The following FRMPD4 variants were observed in gnomAD, a reference collection of about 807,000 sequenced individuals.
FRMPD4 encodes FERM and PDZ domain containing 4.
Under a neutral mutation model 94.1 loss-of-function variants are expected in FRMPD4, and 22 were observed. That is an observed-to-expected ratio of 0.23 (90% CI 0.17 to 0.33). The LOEUF is 0.33. Ranked by LOEUF, FRMPD4 falls within the 10% of genes least tolerant of loss-of-function variation. The pLI is 1.00. For synonymous variants in FRMPD4, 631 were observed against 548.6 expected, an observed-to-expected ratio of 1.15 and a Z score of -2.10; for missense variants, 1,111 against 1,339.9, an observed-to-expected ratio of 0.83 and a Z score of 2.67.
chrX:11,991,546 A>C (rs1291582681), intron 3 of FRMPD4, among the ~76,000 whole-genome samples: 1 of 111,778 alleles, frequency 8.9e-6, no homozygotes, highest in Non-Finnish European at 1.9e-5. Context: ...TTCCATCAAC[A>C]GGTAGGGATT....
Position 12,721,021 on chromosome X carries a change from G to A in FRMPD4, c.4452G>A (p.Arg1484=). 1.3e-6 allele frequency: 1 copy of A among 759,740 alleles called. No individual in the cohort carries two copies. The highest frequency in any genetic ancestry group is 2.3e-5 in the African/African-American group (1 of 43,982). The allele number at this position is 759,740 out of a possible 1,213,427, so 62.6% of individuals were successfully genotyped here. A position where few individuals can be genotyped will look rare whatever the true frequency, so the allele number is the denominator to read the frequency against. Residue 1484 remains arginine, a synonymous_variant, in exon 17 of 17, where the codon AGG becomes AGA. Coordinates refer to ENST00000675598, the MANE Select transcript of FRMPD4 (RefSeq NM_001368397.1). ...PVAHKDSKLY[R]TLPLRKLEGS... ...CTCATAAAGACTCAAAGCTGTATAG[G>A]ACATTACCCTTGCGGAAGCTGGAGG...
chrX:11,905,603 CAG>C (rs2053962849), intron 3 of FRMPD4, among the ~76,000 whole-genome samples: 5 of 111,280 alleles, frequency 4.5e-5, no homozygotes, highest in African/African-American at 1.6e-4. Flanking sequence ...TCAGTTAGCC[CAG>C]ATTTGGGCTC....
Position 12,140,956 on chromosome X carries a change from G to A in FRMPD4, c.41+1944G>A, listed in dbSNP as rs772427815. Among the ~76,000 whole-genome samples, 4 of 111,892 alleles carry A rather than the reference G, an allele frequency of 3.6e-5. No individual in the cohort carries two copies. In the South Asian group the frequency reaches 1.1e-3, roughly 32 times the overall value. On this transcript the variant is annotated intron_variant, in intron 1 of 16. Transcript: ENST00000675598. The stretch of plus-strand genomic sequence containing the variant: ...TGCAAATGTTCTGAGCTGATGTGCC[G>A]ATTAAGAAATCTTCCATCCATAGAA...
intron 1 of FRMPD4, among the ~76,000 whole-genome samples, chrX:12,310,367 C>A (rs2055012744): frequency 9.0e-6 from 1 of 110,903 alleles, no homozygotes; most frequent in East Asian, 2.8e-4. Flanking sequence ...TAAGGTGGGG[C>A]AGGGCATATT....
At chrX:12,483,961 G>A (rs1475113030) in intron 1 of FRMPD4, among the ~76,000 whole-genome samples, 1 of 111,397 alleles carries the variant, frequency 9.0e-6, no homozygotes, top group African/African-American at 3.3e-5. Flanking sequence ...TTAACAACTA[G>A]TAGGACGTGT....
chrX:12,253,112 G>A (rs1250506379), intron 1 of FRMPD4, among the ~76,000 whole-genome samples: 1 of 111,980 alleles, frequency 8.9e-6, no homozygotes, highest in African/African-American at 3.2e-5. Context: ...AAGACATGCA[G>A]AAGTGCAGAA....
At chrX:11,856,083 G>A (rs2053651863) in intron 1 of FRMPD4, among the ~76,000 whole-genome samples, 1 of 111,813 alleles carries the variant, frequency 8.9e-6, no homozygotes, top group Non-Finnish European at 1.9e-5. Context: ...GGTGGCAGGG[G>A]AGATAATGAG....
At chrX:11,891,854 G>A (rs2053875540) in intron 3 of FRMPD4, among the ~76,000 whole-genome samples, 1 of 112,320 alleles carries the variant, frequency 8.9e-6, no homozygotes, top group Non-Finnish European at 1.9e-5. Context: ...TATTGTGAGA[G>A]TAGAAACTGT....
intron 1 of FRMPD4, among the ~76,000 whole-genome samples, chrX:12,363,611 G>T (rs1446903128): frequency 8.9e-6 from 1 of 112,587 alleles, no homozygotes; most frequent in Non-Finnish European, 1.9e-5. Context: ...TCATTTCCAT[G>T]GCCCATACTG....
intron 3 of FRMPD4, among the ~76,000 whole-genome samples, chrX:12,083,998 T>C (rs761965084): frequency 3.6e-5 from 4 of 111,327 alleles, no homozygotes; most frequent in African/African-American, 1.3e-4. Context: ...TTTTAGTTAA[T>C]GCTGAAATGA....
At chrX:11,872,958 G>A (rs2053763120) in intron 2 of FRMPD4, among the ~76,000 whole-genome samples, 1 of 112,263 alleles carries the variant, frequency 8.9e-6, no homozygotes, top group African/African-American at 3.2e-5. Flanking sequence ...TGTAGCCACT[G>A]TGGAAAACAG....
rs775749051 is a variant in FRMPD4 at position 12,694,486 on chromosome X, A to G, written c.933+32A>G. On this transcript the variant is annotated intron_variant, in intron 9 of 16. Coordinates refer to ENST00000675598, the MANE Select transcript of FRMPD4 (RefSeq NM_001368397.1). Reference sequence around the variant, plus strand: ...TAAAATTTTGGCATGTTTTATATCAATGTTGTGATATAAACTAACTCTGGG... The same window carrying G: ...TAAAATTTTGGCATGTTTTATATCAGTGTTGTGATATAAACTAACTCTGGG... The G allele has an allele frequency of 7.3e-6, 8 of 1,097,091 alleles. No homozygotes were observed. In the South Asian group the frequency reaches 1.2e-4, roughly 16 times the overall value. 90.4% of individuals were successfully genotyped at this position (1,097,091 alleles called of 1,213,427 possible).
chrX:12,413,284 T>G (rs2056758146), intron 1 of FRMPD4, among the ~76,000 whole-genome samples: 1 of 111,912 alleles, frequency 8.9e-6, no homozygotes, highest in Non-Finnish European at 1.9e-5. Context: ...CCTGGCAGGA[T>G]TAAGCTCCAG....
chrX:12,632,296 A>C (rs1444354843), intron 4 of FRMPD4, among the ~76,000 whole-genome samples: 1 of 111,187 alleles, frequency 9.0e-6, no homozygotes, highest in Non-Finnish European at 1.9e-5. Flanking sequence ...TCATCCCCGC[A>C]AAAGGTTTGA....
At position 12,312,239 on chromosome X, in the gene FRMPD4, C is replaced by CTTTTTTTTT. The variant is rs200625685; in HGVS notation, c.41+173249_41+173257dup. On this transcript the variant is annotated intron_variant, in intron 1 of 16. Coordinates refer to ENST00000675598, the MANE Select transcript of FRMPD4 (RefSeq NM_001368397.1). ...CTTCCTTTTCAACTCTGCTCCATTA[C>CTTTTTTTTT]TTTTTTTTTTTTTTTTTTTTTTTTT... 1.8e-4 allele frequency among the ~76,000 whole-genome samples: 11 copies of CTTTTTTTTT among 61,513 alleles called. 2 individuals are homozygous for CTTTTTTTTT. Among genetic ancestry groups the CTTTTTTTTT allele is most frequent in the African/African-American group, 5.6e-4 (8 of 14,252 alleles). The allele number at this position is 61,513 out of a possible 115,157, so 53.4% of individuals were successfully genotyped here. A position where few individuals can be genotyped will look rare whatever the true frequency, so the allele number is the denominator to read the frequency against.
intron 1 of FRMPD4, among the ~76,000 whole-genome samples, chrX:12,439,461 C>T (rs769785321): frequency 4.5e-5 from 5 of 111,285 alleles, no homozygotes; most frequent in Non-Finnish European, 9.4e-5. Flanking sequence ...GTACGGGATT[C>T]GAACCTAGGT....
At chrX:12,678,351 G>C (rs1430500449) in intron 5 of FRMPD4, among the ~76,000 whole-genome samples, 1 of 112,177 alleles carries the variant, frequency 8.9e-6, no homozygotes, top group Non-Finnish European at 1.9e-5. Context: ...GGAATTTCTG[G>C]GTTACTCATG....
intron 3 of FRMPD4, among the ~76,000 whole-genome samples, chrX:11,973,060 G>A (rs139924009): frequency 1.7e-3 from 192 of 111,976 alleles, no homozygotes; most frequent in African/African-American, 6.0e-3. Context: ...TCTCCCATGG[G>A]CTGTTCTATT....
chrX:12,146,088 G>A (rs1207777279), intron 1 of FRMPD4, among the ~76,000 whole-genome samples: 2 of 109,261 alleles, frequency 1.8e-5, no homozygotes, highest in East Asian at 6.8e-4. Flanking sequence ...CTCGGGCTGG[G>A]CGCGGTGGCT....
Sources: allele counts gnomAD v4.1 joint callset (sites outside exome capture counted in the v4.1 genomes callset), GRCh38; gene constraint gnomAD v4.1.1; transcripts MANE v1.5; gene names NCBI Gene and HGNC (gene_info 2026-07-23, HGNC 2026-07-21).